SULF1: variants seen among roughly 807,000 people sequenced by gnomAD.
The protein encoded by SULF1 is extracellular sulfatase Sulf-1.
A neutral mutation model predicts 110.5 loss-of-function variants in SULF1; 46 were observed. The observed-to-expected ratio is 0.42, with a 90% CI of 0.33 to 0.53. SULF1 has a LOEUF of 0.53. Ranked by LOEUF, SULF1 falls within the 20% of genes least tolerant of loss-of-function variation. The pLI, the probability that SULF1 is intolerant of heterozygous loss-of-function variation, is 0.12. For missense variants in SULF1, 941 were observed against 1,094.2 expected (o/e 0.86, Z 1.98); for synonymous variants, 371 against 387.1 (o/e 0.96, Z 0.49).
In SULF1 at chr8:69,576,195, C is replaced by G. The variant is rs776881738; in HGVS notation, c.398C>G (p.Thr133Ser). Residue 133 changes from threonine (T) to serine (S), a missense_variant, in exon 6 of 23, where the codon ACT becomes AGT. Physicochemically the swap from Thr to Ser is moderately conservative, Grantham distance 58 (BLOSUM62 1). Coordinates refer to ENST00000402687, the MANE Select transcript of SULF1 (RefSeq NM_001128205.2). The stretch of plus-strand genomic sequence containing the variant: ...ACTTTTGCTGTATATCTTAACAACA[C>G]TGGCTACAGAACAGGTAAGGGATGA... Reference protein sequence around the residue: ...PRTFAVYLNNTGYRTAFFGKY... With the variant: ...PRTFAVYLNNSGYRTAFFGKY... 2 of 1,614,002 alleles carry G rather than the reference C, an allele frequency of 1.2e-6. No individual in the cohort carries two copies. The highest frequency in any genetic ancestry group is 2.7e-5 in the African/African-American group (2 of 74,922).
intron 19 of SULF1, among the ~76,000 whole-genome samples, chr8:69,633,968 A>C (rs1348562539): frequency 6.6e-6 from 1 of 152,196 alleles, no homozygotes; most frequent in African/African-American, 2.4e-5. Context: ...TACACAGATT[A>C]GAAAATTTGG....
At chr8:69,505,100 T>C (rs1811089537) in intron 3 of SULF1, among the ~76,000 whole-genome samples, 1 of 152,186 alleles carries the variant, frequency 6.6e-6, no homozygotes, top group Non-Finnish European at 1.5e-5. Flanking sequence ...TATAAGCAAA[T>C]CTCAGAAGCT....
intron 6 of SULF1, among the ~76,000 whole-genome samples, chr8:69,576,716 A>G (rs142668653): frequency 3.3e-5 from 5 of 152,328 alleles, no homozygotes; most frequent in Non-Finnish European, 7.3e-5. Flanking sequence ...TATTAGCCCC[A>G]AGGCCCTATC....
intron 1 of SULF1, among the ~76,000 whole-genome samples, chr8:69,480,546 G>C (rs1401884726): frequency 1.3e-5 from 2 of 152,128 alleles, no homozygotes; most frequent in African/African-American, 4.8e-5. Context: ...AGAAGTATAT[G>C]AGCAATATTC....
chr8:69,485,054 C>T (rs555290953), intron 1 of SULF1, among the ~76,000 whole-genome samples: 1 of 152,120 alleles, frequency 6.6e-6, no homozygotes, highest in Non-Finnish European at 1.5e-5. Context: ...AGCAATGACT[C>T]AGGAAGGGAC....
At chr8:69,625,215 G>T (rs1487956742) in intron 15 of SULF1, among the ~76,000 whole-genome samples, 1 of 152,198 alleles carries the variant, frequency 6.6e-6, no homozygotes, top group East Asian at 1.9e-4. Context: ...GATGTGAAAG[G>T]TCCCTTTTGT....
chr8:69,641,072 A>G (rs978442897), intron 22 of SULF1: 5 of 393,208 alleles, frequency 1.3e-5, no homozygotes, highest in African/African-American at 8.3e-5. Flanking sequence ...ACTCACTCCC[A>G]TGCTTGTTTG....
rs141225696 is a variant in SULF1 at position 69,554,978 on chromosome 8, C to CAAAAAAAA, written c.-133-8548_-133-8541dup. 1.1e-4 allele frequency among the ~76,000 whole-genome samples: 7 copies of CAAAAAAAA among 63,488 alleles called. 2 individuals carry two copies. Among genetic ancestry groups the CAAAAAAAA allele is most frequent in the African/African-American group, 6.0e-4 (6 of 10,064 alleles). 41.7% of individuals were successfully genotyped at this position (63,488 alleles called of 152,430 possible). A position where few individuals can be genotyped will look rare whatever the true frequency, so the allele number is the denominator to read the frequency against. ...TGGGCGACAGGGCGAGATTCCATCT[C>CAAAAAAAA]AAAAAAAAAAAAAAAAAAAACAAAA... is the stretch of plus-strand genomic sequence containing the variant. On this transcript the variant is annotated intron_variant, in intron 3 of 22. Coordinates refer to ENST00000402687, the MANE Select transcript of SULF1 (RefSeq NM_001128205.2).
intron 2 of SULF1, among the ~76,000 whole-genome samples, chr8:69,496,710 T>G (rs1388194451): frequency 6.6e-6 from 1 of 152,230 alleles, no homozygotes; most frequent in Non-Finnish European, 1.5e-5. Flanking sequence ...TAAACTTGGC[T>G]TCATAAGCAA....
At chr8:69,630,680 A>G (rs969065049) in intron 19 of SULF1, among the ~76,000 whole-genome samples, 1 of 152,218 alleles carries the variant, frequency 6.6e-6, no homozygotes, top group African/African-American at 2.4e-5. Flanking sequence ...GGGGACAGTA[A>G]CTGGGGACGC....
intron 8 of SULF1, chr8:69,593,049 A>T: frequency 7.7e-6 from 6 of 782,538 alleles, no homozygotes; most frequent in Non-Finnish European, 7.8e-6. Flanking sequence ...TGTTTGAAGG[A>T]TTCAGCTTCT....
chr8:69,520,112 TACACACACACACAC>T (rs34036903), intron 3 of SULF1, among the ~76,000 whole-genome samples: 42 of 137,138 alleles, frequency 3.1e-4, no homozygotes, highest in African/African-American at 5.0e-4. Flanking sequence ...AAATTCCAGT[TACACACACACACAC>T]ACACACACAC....
chr8:69,524,395 A>T (rs1016940417), intron 3 of SULF1, among the ~76,000 whole-genome samples: 2 of 152,236 alleles, frequency 1.3e-5, no homozygotes, highest in Admixed American at 1.3e-4. Flanking sequence ...AGAGGGAGCA[A>T]GCAGTTCACA....
chr8:69,538,085 C>T (rs1300231828), intron 3 of SULF1, among the ~76,000 whole-genome samples: 1 of 151,960 alleles, frequency 6.6e-6, no homozygotes, highest in Non-Finnish European at 1.5e-5. Flanking sequence ...CCTCAGCCTC[C>T]CGCGTAGCTG....
chr8:69,584,045 G>A (rs2150760715), intron 6 of SULF1, among the ~76,000 whole-genome samples: 1 of 152,304 alleles, frequency 6.6e-6, no homozygotes, highest in East Asian at 1.9e-4. Flanking sequence ...GAAGGATTTT[G>A]TCCAAACTCA....
intron 13 of SULF1, among the ~76,000 whole-genome samples, chr8:69,609,435 G>A (rs530806908): frequency 1.4e-4 from 22 of 152,260 alleles, no homozygotes; most frequent in Middle Eastern, 6.8e-3. Context: ...AGACCAACCA[G>A]GTTAAAAATG....
intron 1 of SULF1, among the ~76,000 whole-genome samples, chr8:69,483,067 G>A (rs980165693): frequency 7.2e-5 from 11 of 152,034 alleles, no homozygotes; most frequent in East Asian, 3.9e-4. Flanking sequence ...AAAGTATATC[G>A]GAAGATGTGT....
chr8:69,585,355 A>G (rs987277626), intron 6 of SULF1, among the ~76,000 whole-genome samples: 4 of 152,184 alleles, frequency 2.6e-5, no homozygotes, highest in African/African-American at 9.7e-5. Context: ...TACAAATAAC[A>G]TCCTCTTGCT....
intron 1 of SULF1, among the ~76,000 whole-genome samples, chr8:69,471,130 T>G (rs1292957247): frequency 6.6e-6 from 1 of 152,248 alleles, no homozygotes; most frequent in Non-Finnish European, 1.5e-5. Context: ...TCCCTTCATG[T>G]TGACCACTGG....
Sources: gnomAD v4.1 joint callset for allele counts (sites outside exome capture counted in the v4.1 genomes callset) on GRCh38, gnomAD v4.1.1 for gene constraint, MANE v1.5 for transcripts, NCBI Gene and HGNC (gene_info 2026-07-23, HGNC 2026-07-21) for gene names.